XKR6: variants seen among roughly 807,000 people sequenced by gnomAD.
The protein encoded by XKR6 is XK related 6.
XKR6 carries 22 observed loss-of-function variants against 56.7 expected under a neutral mutation model. The observed-to-expected ratio is 0.39, with a 90% CI of 0.28 to 0.55. The LOEUF is 0.55. Ranked by LOEUF, XKR6 falls within the 20% of genes least tolerant of loss-of-function variation. The pLI is 0.66. For missense variants in XKR6, 852 were observed against 889.0 expected (o/e 0.96, Z 0.53); for synonymous variants, 524 against 387.8 (o/e 1.35, Z -4.13).
chr8:10,951,309 GGCC>G (rs1344486346), intron 1 of XKR6, among the ~76,000 whole-genome samples: 32 of 148,974 alleles, frequency 2.1e-4, no homozygotes, highest in African/African-American at 7.4e-4. Context: ...GGGGGGGGGG[GGCC>G]CCCACAGTGG....
At chr8:10,935,679 C>G (rs561074857) in intron 1 of XKR6, among the ~76,000 whole-genome samples, 5 of 150,918 alleles carry the variant, frequency 3.3e-5, no homozygotes, top group African/African-American at 1.2e-4. Flanking sequence ...TTCAGGAGCA[C>G]GTTGTTCAGT....
intron 1 of XKR6, among the ~76,000 whole-genome samples, chr8:10,926,872 G>A (rs1041410546): frequency 1.3e-5 from 2 of 152,240 alleles, no homozygotes; most frequent in African/African-American, 2.4e-5. Context: ...GGGGGAGGTT[G>A]CACCTAGTCT....
chr8:11,015,175 G>A (rs923285191), intron 1 of XKR6, among the ~76,000 whole-genome samples: 1 of 148,494 alleles, frequency 6.7e-6, no homozygotes, highest in Non-Finnish European at 1.5e-5. Flanking sequence ...GTGTTCACTC[G>A]GGAAATGCTG....
chr8:11,127,952 C>G (rs1188218181), intron 1 of XKR6, among the ~76,000 whole-genome samples: 1 of 152,162 alleles, frequency 6.6e-6, no homozygotes. Flanking sequence ...ATGGCTATTT[C>G]AATGCATAGT....
intron 1 of XKR6, among the ~76,000 whole-genome samples, chr8:10,928,210 G>C (rs1453429927): frequency 6.6e-6 from 1 of 152,206 alleles, no homozygotes; most frequent in Non-Finnish European, 1.5e-5. Flanking sequence ...GCCCGGACGG[G>C]ACCAGAATCC....
At chr8:11,192,262 G>A (rs766547712) in intron 1 of XKR6, among the ~76,000 whole-genome samples, 3 of 151,948 alleles carry the variant, frequency 2.0e-5, no homozygotes, top group Non-Finnish European at 2.9e-5. Flanking sequence ...GGGTTCAAGC[G>A]ATTCTGCTGC....
At chr8:10,916,249 A>C (rs1460292175) in intron 2 of XKR6, among the ~76,000 whole-genome samples, 1 of 152,208 alleles carries the variant, frequency 6.6e-6, no homozygotes, top group Non-Finnish European at 1.5e-5. Context: ...TCTCATTCCT[A>C]AGGAAATGGA....
At chr8:11,159,882 T>C (rs954437053) in intron 1 of XKR6, among the ~76,000 whole-genome samples, 10 of 152,194 alleles carry the variant, frequency 6.6e-5, no homozygotes, top group African/African-American at 1.4e-4. Flanking sequence ...ATTAGAGATA[T>C]GATGCTTAGA....
intron 1 of XKR6, among the ~76,000 whole-genome samples, chr8:10,988,055 A>G (rs73539333): frequency 0.026 from 3,886 of 152,312 alleles, 162 homozygotes; most frequent in African/African-American, 0.088. Flanking sequence ...CATTATTTAA[A>G]TCAACTTAAT....
At chr8:11,119,162 T>C (rs1001261422) in intron 1 of XKR6, among the ~76,000 whole-genome samples, 6 of 152,228 alleles carry the variant, frequency 3.9e-5, no homozygotes, top group African/African-American at 1.4e-4. Context: ...GTTTGCACTG[T>C]GGTCTGAGAG....
At chr8:10,967,915 G>A (rs548436891) in intron 1 of XKR6, among the ~76,000 whole-genome samples, 5 of 152,140 alleles carry the variant, frequency 3.3e-5, no homozygotes, top group East Asian at 1.9e-4. Context: ...AGGCTGCCTC[G>A]GCTCTGCACT....
Position 11,109,493 on chromosome 8 carries a change from C to G in XKR6, c.764+91083G>C, listed in dbSNP as rs528632833. 3.3e-5 allele frequency: 5 copies of G among 152,336 alleles called. No individual in the cohort carries two copies. The East Asian group carries it at 7.7e-4, about 23-fold the overall frequency. The allele number at this position is 152,336 out of a possible 1,614,324, so 9.4% of individuals were successfully genotyped here. A position where few individuals can be genotyped will look rare whatever the true frequency, so the allele number is the denominator to read the frequency against. On this transcript the variant is annotated intron_variant, in intron 1 of 2. Coordinates refer to ENST00000416569, the MANE Select transcript of XKR6 (RefSeq NM_173683.4). Reference sequence around the variant, plus strand: ...TGCCACTACCCTTAAGACACTGCAGCCTGCTAGGGTGGGCTATCCAACATC... The same window carrying G: ...TGCCACTACCCTTAAGACACTGCAGGCTGCTAGGGTGGGCTATCCAACATC...
chr8:11,160,927 A>AAAAAAAAAAAG (rs1563184089), intron 1 of XKR6, among the ~76,000 whole-genome samples: 4 of 151,160 alleles, frequency 2.6e-5, no homozygotes, highest in African/African-American at 9.7e-5. Flanking sequence ...AAAAAAAAAA[A>AAAAAAAAAAAG]AAAAGAAAAA....
At chr8:11,050,206 A>G (rs1799510043) in intron 1 of XKR6, among the ~76,000 whole-genome samples, 1 of 152,232 alleles carries the variant, frequency 6.6e-6, no homozygotes, top group Non-Finnish European at 1.5e-5. Flanking sequence ...AACAGAGACA[A>G]GCGTGCCAGA....
chr8:11,051,583 T>C lies in XKR6; in HGVS notation c.765-126753A>G, dbSNP rs140901467. ...GGCAAATCTTTGGCTCCTCTTTTCC[T>C]CACGCCCCATGCCTGATCCTTCTTA... On this transcript the variant is annotated intron_variant, in intron 1 of 2. Transcript: ENST00000416569. Among the ~76,000 whole-genome samples the C allele has an allele frequency of 6.9e-3, 1,046 of 152,314 alleles. 12 individuals are homozygous for C. Among genetic ancestry groups the C allele is most frequent in the African/African-American group, 0.022 (935 of 41,560 alleles).
At chr8:10,900,374 T>C (rs1800001667) in intron 2 of XKR6, among the ~76,000 whole-genome samples, 1 of 152,222 alleles carries the variant, frequency 6.6e-6, no homozygotes, top group South Asian at 2.1e-4. Flanking sequence ...CCGAGTTCTC[T>C]GCCACGTGAC....
chr8:11,134,393 G>C (rs1447757317), intron 1 of XKR6, among the ~76,000 whole-genome samples: 20 of 152,102 alleles, frequency 1.3e-4, no homozygotes, highest in Admixed American at 1.3e-3. Context: ...TATTAGCAAG[G>C]ATACAGAGAA....
At chr8:10,904,485 C>A (rs1186890960) in intron 2 of XKR6, among the ~76,000 whole-genome samples, 2 of 152,148 alleles carry the variant, frequency 1.3e-5, no homozygotes, top group Non-Finnish European at 2.9e-5. Context: ...AGTTGGGGAA[C>A]AAAGCAACAC....
At chr8:10,907,878 G>T (rs1800225998) in intron 2 of XKR6, among the ~76,000 whole-genome samples, 1 of 152,186 alleles carries the variant, frequency 6.6e-6, no homozygotes, top group African/African-American at 2.4e-5. Context: ...TGACACTTCT[G>T]TTCCATCTCT....
Sources: allele counts gnomAD v4.1 joint callset (sites outside exome capture counted in the v4.1 genomes callset), GRCh38; gene constraint gnomAD v4.1.1; transcripts MANE v1.5; gene names NCBI Gene and HGNC (gene_info 2026-07-23, HGNC 2026-07-21).